MAST4: variants seen among roughly 807,000 people sequenced by gnomAD.
MAST4 encodes the protein microtubule-associated serine/threonine-protein kinase 4.
MAST4 carries 89 observed loss-of-function variants against 162.7 expected under a neutral mutation model. The observed-to-expected ratio is 0.55, with a 90% CI of 0.46 to 0.65. The LOEUF (loss-of-function observed/expected upper bound fraction) is 0.65. MAST4 is among the 30% of genes least tolerant of loss of function. The pLI is 0.00. For synonymous variants in MAST4, 1,479 were observed against 1,361.1 expected, an observed-to-expected ratio of 1.09 and a Z score of -1.91; for missense variants, 3,153 against 3,374.0, an observed-to-expected ratio of 0.93 and a Z score of 1.62.
At chr5:66,788,607 C>CCAAGCCAA in intron 2 of MAST4, 63 bp from the exon 3 acceptor site, 1 of 1,373,726 alleles carries the variant, frequency 7.3e-7, no homozygotes, top group Non-Finnish European at 1.0e-6. Context: ...CCCCCACCCC[C>CCAAGCCAA]ATTGCAATAA....
intron 4 of MAST4, among the ~76,000 whole-genome samples, chr5:67,017,821 A>G (rs1753498742): frequency 6.6e-6 from 1 of 151,122 alleles, no homozygotes; most frequent in Non-Finnish European, 1.5e-5. Context: ...CTGATCTGGA[A>G]CTCCTAACCT....
At chr5:66,878,804 C>G (rs183658992) in intron 3 of MAST4, among the ~76,000 whole-genome samples, 50 of 152,342 alleles carry the variant, frequency 3.3e-4, no homozygotes, top group African/African-American at 1.2e-3. Context: ...TGTTCATTCT[C>G]CTTATGGTTC....
At chr5:67,143,772 G>T (rs1443535810) in intron 21 of MAST4, among the ~76,000 whole-genome samples, 1 of 152,122 alleles carries the variant, frequency 6.6e-6, no homozygotes, top group Non-Finnish European at 1.5e-5. Flanking sequence ...CTCAGACCAG[G>T]ACTGTTCTCT....
chr5:66,702,712 G>A (rs559731815), intron 1 of MAST4, among the ~76,000 whole-genome samples: 1 of 152,074 alleles, frequency 6.6e-6, no homozygotes, highest in Non-Finnish European at 1.5e-5. Context: ...AGAAAGGAAG[G>A]GCAGGTTGAC....
intron 6 of MAST4, among the ~76,000 whole-genome samples, chr5:67,091,782 T>C (rs1393876003): frequency 1.3e-5 from 2 of 152,120 alleles, no homozygotes; most frequent in Admixed American, 6.5e-5. Context: ...TGAATCTGGT[T>C]TCCATGCTAT....
At chr5:67,071,617 G>A (rs928709982) in intron 5 of MAST4, among the ~76,000 whole-genome samples, 22 of 152,212 alleles carry the variant, frequency 1.4e-4, no homozygotes, top group South Asian at 8.3e-4. Context: ...AAAATTAGCC[G>A]GGCATAGTGG....
At chr5:66,847,831 AAAAAAAAAAAAAG>A (rs1354903942) in intron 3 of MAST4, among the ~76,000 whole-genome samples, 1 of 150,866 alleles carries the variant, frequency 6.6e-6, no homozygotes, top group African/African-American at 2.4e-5. Context: ...AAAAAAAAAA[AAAAAAAAAAAAAG>A]AAAAACCTTA....
At position 67,164,898 on chromosome 5, in the gene MAST4, G is replaced by A; in HGVS notation, c.5719G>A (p.Ala1907Thr). The A allele has an allele frequency of 6.2e-7, 1 of 1,613,990 alleles. No individual in the cohort carries two copies. Among genetic ancestry groups the A allele is most frequent in the Non-Finnish European group, 8.5e-7 (1 of 1,179,892 alleles). The change falls in exon 29 of 29, where the codon GCC becomes ACC. Residue 1907 changes from alanine (A) to threonine (T), a missense_variant. By Grantham distance (58) the Ala-to-Thr change is moderately conservative (BLOSUM62 0). Coordinates refer to ENST00000403625, the MANE Select transcript of MAST4 (RefSeq NM_001164664.2). This position sits in a 1 kb window ranked among gnomAD's most constrained non-coding sequence, Gnocchi z 5.3. ...KRDRKGPHPTARSPGTVMESN... is the reference protein window; with the variant it reads ...KRDRKGPHPTTRSPGTVMESN... ...GGACAGGAAAGGTCCCCATCCTACT[G>A]CCAGGAGCCCTGGAACAGTCATGGA...
intron 4 of MAST4, chr5:66,964,042 A>ACT (rs1746345952): frequency 1.6e-6 from 1 of 641,192 alleles, no homozygotes; most frequent in Non-Finnish European, 3.0e-6. Context: ...TTTCTTAGGG[A>ACT]ATGATCTGCA....
intron 4 of MAST4, among the ~76,000 whole-genome samples, chr5:66,944,439 A>C: frequency 6.6e-6 from 1 of 152,186 alleles, no homozygotes; most frequent in East Asian, 1.9e-4. Flanking sequence ...TTAAATTGAA[A>C]GTATATTAGC....
chr5:66,831,665 G>A (rs1305850030), intron 3 of MAST4, among the ~76,000 whole-genome samples: 1 of 152,172 alleles, frequency 6.6e-6, no homozygotes, highest in Non-Finnish European at 1.5e-5. Context: ...TTAAGTGACT[G>A]CACTTTTCCA....
At chr5:67,124,653 A>G (rs922799531) in intron 14 of MAST4, among the ~76,000 whole-genome samples, 9 of 152,222 alleles carry the variant, frequency 5.9e-5, no homozygotes, top group Non-Finnish European at 1.2e-4. Flanking sequence ...TGACTTGATC[A>G]AGATATGCAT....
At position 67,164,545 on chromosome 5, in the gene MAST4, A is replaced by C; in HGVS notation, c.5366A>C (p.Lys1789Thr). Residue 1789 changes from lysine to threonine, a missense_variant, in exon 29 of 29, where the codon AAG becomes ACG. Around this residue, in one of 7 missense-constraint regions of MAST4, gnomAD observed 1,644 missense variants for 1,495.0 expected, o/e 1.10. Transcript: ENST00000403625. This position sits in a 1 kb window ranked among gnomAD's most constrained non-coding sequence, Gnocchi z 5.3. ...SPVRKSPSEY[K>T]LEGRSVSCLK... ...GTTAGGAAGAGCCCCTCCGAGTATA[A>C]GCTGGAAGGTAGGTCTGTCTCATGC... 1 of 1,613,966 alleles carries C rather than the reference A, an allele frequency of 6.2e-7. No homozygotes were observed. Among genetic ancestry groups the C allele is most frequent in the African/African-American group, 1.3e-5 (1 of 75,026 alleles).
chr5:66,899,335 ACT>A (rs1312408936), intron 3 of MAST4, among the ~76,000 whole-genome samples: 2 of 152,096 alleles, frequency 1.3e-5, no homozygotes, highest in Non-Finnish European at 2.9e-5. Context: ...ACTATGAAGC[ACT>A]CTAATAATTG....
chr5:67,002,455 C>T (rs1751399969), intron 4 of MAST4, among the ~76,000 whole-genome samples: 1 of 152,092 alleles, frequency 6.6e-6, no homozygotes, highest in African/African-American at 2.4e-5. Flanking sequence ...GTGACTTTAG[C>T]CTTGAGGAAC....
In MAST4 at chr5:66,941,402, T is replaced by C. The variant is rs1455562458; in HGVS notation, c.674+41420T>C. Reference sequence around the variant, plus strand: ...CATCAGAACTTGCTGCTTGCACTTTTATGGTATGGAGATGGCGTCTTTCCT... The same window carrying C: ...CATCAGAACTTGCTGCTTGCACTTTCATGGTATGGAGATGGCGTCTTTCCT... On this transcript the variant is annotated intron_variant, in intron 4 of 28. Coordinates refer to ENST00000403625, the MANE Select transcript of MAST4 (RefSeq NM_001164664.2). Among the ~76,000 whole-genome samples the C allele has an allele frequency of 5.3e-5, 8 of 152,286 alleles. No homozygotes were observed. In the East Asian group the frequency reaches 1.4e-3, roughly 26 times the overall value.
chr5:66,725,972 T>C (rs974963767), intron 1 of MAST4, among the ~76,000 whole-genome samples: 3 of 152,072 alleles, frequency 2.0e-5, no homozygotes, highest in Non-Finnish European at 4.4e-5. Flanking sequence ...GCATTCCTGG[T>C]TGTGGAGATA....
At position 66,868,491 on chromosome 5, in the gene MAST4, C is replaced by CTTT. The variant is rs59614413; in HGVS notation, c.643-31446_643-31444dup. 0.019 allele frequency among the ~76,000 whole-genome samples: 2,621 copies of CTTT among 135,652 alleles called. 248 individuals carry two copies. The East Asian group carries it at 0.3, about 16-fold the overall frequency. The allele number at this position is 135,652 out of a possible 152,430, so 89.0% of individuals were successfully genotyped here. On this transcript the variant is annotated intron_variant, in intron 3 of 28. Coordinates refer to ENST00000403625, the MANE Select transcript of MAST4 (RefSeq NM_001164664.2). ...TATATACGCAAATAACCATCACAAA[C>CTTT]TTTTTTTTTTTTTTTTAGCAATAGG... is the stretch of plus-strand genomic sequence containing the variant.
At chr5:66,769,252 G>A (rs1394119643) in intron 2 of MAST4, among the ~76,000 whole-genome samples, 1 of 152,114 alleles carries the variant, frequency 6.6e-6, no homozygotes, top group Non-Finnish European at 1.5e-5. Flanking sequence ...GACCTGAGCT[G>A]TACAGGAATG....
Sources: gnomAD v4.1 joint callset for allele counts (sites outside exome capture counted in the v4.1 genomes callset) on GRCh38, gnomAD v4.1.1 for gene constraint, gnomAD v4.1.1 regional missense constraint, Gnocchi (gnomAD v3.1) non-coding constraint, MANE v1.5 for transcripts, NCBI Gene and HGNC (gene_info 2026-07-23, HGNC 2026-07-21) for gene names.